IMPG1: variants seen among roughly 807,000 people sequenced by gnomAD.
The protein encoded by IMPG1 is interphotoreceptor matrix proteoglycan 1.
In IMPG1, 85 loss-of-function variants were observed where a neutral mutation model predicts 92.0. The observed-to-expected ratio is 0.92, with a 90% CI of 0.78 to 1.11. The LOEUF (loss-of-function observed/expected upper bound fraction) is 1.11. IMPG1 is among the 50% of genes least tolerant of loss of function. The pLI, the probability that IMPG1 is intolerant of heterozygous loss-of-function variation, is 0.00. For synonymous variants in IMPG1, 367 were observed against 334.1 expected, an observed-to-expected ratio of 1.10 and a Z score of -1.08; for missense variants, 1,022 against 956.0, an observed-to-expected ratio of 1.07 and a Z score of -0.91.
chr6:75,950,373 A>G (rs1360869397), intron 13 of IMPG1, among the ~76,000 whole-genome samples, 189 bp downstream of exon 13: 2 of 152,128 alleles, frequency 1.3e-5, no homozygotes, highest in Non-Finnish European at 2.9e-5. Flanking sequence ...TTTGTCTATC[A>G]CAGAACTCAC....
intron 9 of IMPG1, among the ~76,000 whole-genome samples, chr6:76,006,519 G>T (rs574391443): frequency 1.4e-5 from 2 of 145,582 alleles, no homozygotes; most frequent in African/African-American, 5.1e-5. Context: ...TATACATATG[G>T]GTATATATAC....
intron 2 of IMPG1, among the ~76,000 whole-genome samples, chr6:76,039,379 G>A (rs1339240228): frequency 7.5e-5 from 11 of 147,398 alleles, no homozygotes; most frequent in African/African-American, 1.8e-4. Flanking sequence ...TTTTTGGGAC[G>A]GAGTCTCACT....
chr6:76,048,979 A>G (rs912445986), intron 1 of IMPG1, among the ~76,000 whole-genome samples: 19 of 152,252 alleles, frequency 1.2e-4, no homozygotes, highest in African/African-American at 4.3e-4. Flanking sequence ...CTGGATAAAG[A>G]AAATGTGGTA....
intron 12 of IMPG1, among the ~76,000 whole-genome samples, chr6:75,984,858 T>C (rs1782687987): frequency 6.6e-6 from 1 of 152,122 alleles, no homozygotes; most frequent in African/African-American, 2.4e-5. Flanking sequence ...CTACCCTTGC[T>C]CCCACTCTTG....
At position 75,950,550 on chromosome 6, in the gene IMPG1, G is replaced by A. The variant is rs1461665043; in HGVS notation, c.1824+12C>T. On this transcript the variant is annotated intron_variant, in intron 13 of 16. Transcript: ENST00000369950. ...GACAAAGAATTGGGAATTGTGAGCA[G>A]TGCCCACTCACCAGCTGTGTGAATT... The A allele has an allele frequency of 6.3e-7, 1 of 1,584,418 alleles. No individual in the cohort carries two copies. The highest frequency in any genetic ancestry group is 2.2e-5 in the East Asian group (1 of 44,598).
chr6:75,980,032 G>A (rs577408062), intron 12 of IMPG1, among the ~76,000 whole-genome samples: 4 of 152,272 alleles, frequency 2.6e-5, no homozygotes, highest in Non-Finnish European at 1.5e-5. Context: ...TTAGCTACTC[G>A]GGTACCACCT....
At chr6:75,992,060 T>C (rs1380980001) in intron 12 of IMPG1, among the ~76,000 whole-genome samples, 6 of 152,196 alleles carry the variant, frequency 3.9e-5, no homozygotes, top group African/African-American at 1.4e-4. Context: ...TTACCCTACA[T>C]AGTGTGAGTG....
intron 15 of IMPG1, among the ~76,000 whole-genome samples, chr6:75,928,239 G>A (rs1197977346): frequency 2.7e-5 from 4 of 149,988 alleles, no homozygotes; most frequent in Admixed American, 6.7e-5. Context: ...TTGCTCTGTC[G>A]CCCAGGCTGG....
chr6:75,933,019 A>G (rs1442479175), intron 14 of IMPG1, among the ~76,000 whole-genome samples: 1 of 152,130 alleles, frequency 6.6e-6, no homozygotes, highest in Non-Finnish European at 1.5e-5. Context: ...CTTTCTTAAT[A>G]CATCCCAGAG....
chr6:76,031,377 C>T (rs931093395), intron 4 of IMPG1, among the ~76,000 whole-genome samples: 4 of 152,126 alleles, frequency 2.6e-5, no homozygotes, highest in Non-Finnish European at 5.9e-5. Flanking sequence ...CCAATAGTAT[C>T]ATGTACATAT....
rs552876103 is a variant in IMPG1, at chr6:75,947,879, A to T, written c.1825-346T>A. Among the ~76,000 whole-genome samples the T allele has an allele frequency of 4.6e-5, 7 of 152,292 alleles. No homozygotes were observed. The East Asian group carries it at 1.3e-3, about 29-fold the overall frequency. On this transcript the variant is annotated intron_variant, in intron 13 of 16. Transcript: ENST00000369950. ...TATTAAAAAAAAAAAAACCCAAGTA[A>T]ATAAAAATATGTTCCAAACTGAGCC...
Position 75,925,899 on chromosome 6 carries a change from C to T in IMPG1, c.2244-2193G>A, listed in dbSNP as rs569197089. On this transcript the variant is annotated intron_variant, in intron 15 of 16. Transcript: ENST00000369950. Reference sequence around the variant, plus strand: ...CAGGATGGTCTCGAACTCCTGACCTCAGGTGATCACCCACCTCGGCTTCCC... The same window carrying T: ...CAGGATGGTCTCGAACTCCTGACCTTAGGTGATCACCCACCTCGGCTTCCC... Among the ~76,000 whole-genome samples, 6 of 152,256 alleles carry T rather than the reference C, an allele frequency of 3.9e-5. No individual in the cohort carries two copies. The South Asian group carries it at 1.2e-3, about 32-fold the overall frequency.
intron 8 of IMPG1, among the ~76,000 whole-genome samples, chr6:76,009,725 T>G (rs1008855884): frequency 2.0e-5 from 3 of 152,258 alleles, no homozygotes; most frequent in African/African-American, 7.2e-5. Context: ...TCAAGAGATA[T>G]ATCTTTAAAA....
intron 12 of IMPG1, among the ~76,000 whole-genome samples, chr6:75,971,220 A>T (rs890839482): frequency 1.3e-5 from 2 of 151,662 alleles, no homozygotes; most frequent in African/African-American, 4.8e-5. Context: ...TCGCACGGAC[A>T]AAAAACCAAA....
intron 2 of IMPG1, among the ~76,000 whole-genome samples, chr6:76,039,813 G>A (rs1259864802): frequency 6.6e-6 from 1 of 152,190 alleles, no homozygotes; most frequent in Non-Finnish European, 1.5e-5. Context: ...AAACACACTT[G>A]CCTCTTTTGC....
intron 12 of IMPG1, among the ~76,000 whole-genome samples, chr6:75,964,777 A>AAT (rs1304041438): frequency 2.6e-5 from 4 of 152,138 alleles, no homozygotes; most frequent in Non-Finnish European, 4.4e-5. Context: ...ACTATAGCAT[A>AAT]ATATCAAACA....
intron 4 of IMPG1, among the ~76,000 whole-genome samples, chr6:76,029,057 G>C (rs910166496): frequency 6.6e-6 from 1 of 152,210 alleles, no homozygotes; most frequent in Non-Finnish European, 1.5e-5. Context: ...TCCCTTTAAG[G>C]AGTCAATCTC....
chr6:76,053,385 T>C (rs930671711), intron 1 of IMPG1, among the ~76,000 whole-genome samples: 1 of 152,130 alleles, frequency 6.6e-6, no homozygotes, highest in Non-Finnish European at 1.5e-5. Flanking sequence ...CCCATGATAT[T>C]TGAAGCTGAC....
chr6:76,004,249 A>G (rs961259306), intron 10 of IMPG1, among the ~76,000 whole-genome samples: 4 of 152,158 alleles, frequency 2.6e-5, no homozygotes, highest in Admixed American at 2.6e-4. Flanking sequence ...AATTATCTAA[A>G]CCATTAGGGA....
Sources: allele counts gnomAD v4.1 joint callset (sites outside exome capture counted in the v4.1 genomes callset), GRCh38; gene constraint gnomAD v4.1.1; transcripts MANE v1.5; gene names NCBI Gene and HGNC (gene_info 2026-07-23, HGNC 2026-07-21).